Variants in NGLY1 observed in about 807,000 individuals in gnomAD.
The protein encoded by NGLY1 is peptide-N(4)-(N-acetyl-beta-glucosaminyl)asparagine amidase.
NGLY1 carries 68 observed loss-of-function variants against 84.6 expected under a neutral mutation model. The ratio of observed to expected loss-of-function variants is 0.80; its 90% confidence interval spans 0.66 to 0.98. NGLY1 has a LOEUF of 0.98. Among genes scored for constraint, NGLY1 ranks in the 50% least tolerant of loss-of-function variants. The probability of loss-of-function intolerance (pLI) is 0.00; values close to 1 mark genes in which losing one functional copy is unlikely to be tolerated. For missense variants in NGLY1, 779 were observed against 770.2 expected (o/e 1.01, Z -0.14); for synonymous variants, 280 against 275.2 (o/e 1.02, Z -0.17).
intron 3 of NGLY1, among the ~76,000 whole-genome samples, chr3:25,752,677 A>G (rs1706819167): frequency 6.6e-6 from 1 of 151,484 alleles, no homozygotes; most frequent in Non-Finnish European, 1.5e-5. Context: ...AGTCAAGCAT[A>G]GTGTTGTGTG....
chr3:25,727,311 G>T (rs1212758258), intron 10 of NGLY1, among the ~76,000 whole-genome samples: 2 of 152,158 alleles, frequency 1.3e-5, no homozygotes, highest in Non-Finnish European at 2.9e-5. Flanking sequence ...TTGAATAGGG[G>T]TGTGTTTTCT....
intron 10 of NGLY1, among the ~76,000 whole-genome samples, chr3:25,724,299 C>A (rs1705147982): frequency 6.6e-6 from 1 of 152,130 alleles, no homozygotes; most frequent in South Asian, 2.1e-4. Context: ...CAGCAAGCAC[C>A]CTGAAGTCCG....
intron 3 of NGLY1, among the ~76,000 whole-genome samples, chr3:25,757,787 G>A (rs945147913): frequency 7.2e-5 from 11 of 152,160 alleles, no homozygotes; most frequent in Admixed American, 2.0e-4. Context: ...TTTATATTTT[G>A]TCTGACAAGT....
intron 2 of NGLY1, among the ~76,000 whole-genome samples, chr3:25,773,230 A>G (rs2125310278): frequency 6.6e-6 from 1 of 152,180 alleles, no homozygotes; most frequent in South Asian, 2.1e-4. Context: ...TGTCTTCCAA[A>G]CTTTTAGATG....
chr3:25,783,197 G>C lies in NGLY1; in HGVS notation c.131+63C>G, dbSNP rs1188507752. 14 of 1,497,454 alleles carry C rather than the reference G, an allele frequency of 9.3e-6. No homozygotes were observed. In the East Asian group the frequency reaches 3.1e-4, roughly 33 times the overall value. The allele number at this position is 1,497,454 out of a possible 1,614,324, so 92.8% of individuals were successfully genotyped here. A position where few individuals can be genotyped will look rare whatever the true frequency, so the allele number is the denominator to read the frequency against. On this transcript the variant is annotated intron_variant, in intron 1 of 11. Transcript: ENST00000280700. The surrounding 1 kb of genome is among the most constrained non-coding windows in gnomAD (Gnocchi z 4.5). ...CTCAGGCCGGACGCCCCAGTCCCTG[G>C]CCGAACAAGGTGCCGCGGCCCACCC...
rs1444802092 is a variant in NGLY1, at chr3:25,739,670, GATCT to G, written c.784_787del (p.Arg262HisfsTer9). The stretch of plus-strand genomic sequence containing the variant: ...CAGCTCATCATCACTGGGCAGTAAT[GATCT>G]ATCTCTAGACCTAGTCTGTCCACCA... On this transcript the variant is annotated frameshift_variant, in exon 5 of 12. Transcript: ENST00000280700. LOFTEE classifies it high-confidence loss of function. The G allele has an allele frequency of 6.2e-7, 1 of 1,614,094 alleles. No individual in the cohort carries two copies. Among genetic ancestry groups the G allele is most frequent in the Middle Eastern group, 1.6e-4 (1 of 6,062 alleles).
chr3:25,770,676 A>C (rs1707849115), intron 2 of NGLY1, among the ~76,000 whole-genome samples: 1 of 152,230 alleles, frequency 6.6e-6, no homozygotes, highest in Non-Finnish European at 1.5e-5. Context: ...ACTAGTTTAC[A>C]TTCCCACCAA....
intron 2 of NGLY1, among the ~76,000 whole-genome samples, chr3:25,775,443 A>G (rs370929503): frequency 6.6e-6 from 1 of 152,232 alleles, no homozygotes; most frequent in African/African-American, 2.4e-5. Context: ...ACACAACGGA[A>G]TATTATTCCA....
At chr3:25,760,826 C>CTCCAGCCT (rs1707282615) in intron 3 of NGLY1, among the ~76,000 whole-genome samples, 1 of 88,248 alleles carries the variant, frequency 1.1e-5, no homozygotes, top group South Asian at 4.2e-4. Flanking sequence ...CGCCATTGCA[C>CTCCAGCCT]TCCAGCCTGG....
At chr3:25,728,522 A>G (rs1362772838) in intron 10 of NGLY1, among the ~76,000 whole-genome samples, 1 of 152,148 alleles carries the variant, frequency 6.6e-6, no homozygotes, top group African/African-American at 2.4e-5. Flanking sequence ...GTTTTAAAGC[A>G]AAGCCTCTTA....
chr3:25,785,799 A>C (rs1328538596), upstream of NGLY1, among the ~76,000 whole-genome samples: 2 of 152,242 alleles, frequency 1.3e-5, no homozygotes, highest in African/African-American at 4.8e-5. Flanking sequence ...CTTTCCCCTG[A>C]CAGATAGAAT....
At chr3:25,784,355 T>C (rs568328666), upstream of NGLY1, among the ~76,000 whole-genome samples, 1 of 152,302 alleles carries the variant, frequency 6.6e-6, no homozygotes, top group Admixed American at 6.5e-5. Context: ...TATTATAGAA[T>C]GTCGGGGGCG....
rs765144358 is a variant in NGLY1, at chr3:25,736,033, A to C, written c.1120T>G (p.Ser374Ala). 1.9e-6 allele frequency: 3 copies of C among 1,613,622 alleles called. No individual in the cohort carries two copies. Among genetic ancestry groups the C allele is most frequent in the Non-Finnish European group, 1.7e-6 (2 of 1,179,840 alleles). ...LYEIGWGKKL[S>A]YVIAFSKDEV... ...TCTTTTGAAAATGCTATGACATAGG[A>C]AAGCTTCTTGCCCCATCCTATTTCA... is the stretch of plus-strand genomic sequence containing the variant. The change falls in exon 7 of 12, where the codon TCC (serine) becomes GCC (alanine). Residue 374 changes from serine (S) to alanine (A), a missense_variant. Physicochemically the swap from Ser to Ala is moderately conservative, Grantham distance 99 (BLOSUM62 1). Transcript: ENST00000280700.
At chr3:25,775,943 C>G (rs926874995) in intron 2 of NGLY1, among the ~76,000 whole-genome samples, 1 of 152,198 alleles carries the variant, frequency 6.6e-6, no homozygotes, top group Non-Finnish European at 1.5e-5. Flanking sequence ...ATGCTAGCAT[C>G]AAAATATCAC....
At chr3:25,736,440 A>T in intron 6 of NGLY1, 1 of 1,480,168 alleles carries the variant, frequency 6.8e-7, no homozygotes, top group Non-Finnish European at 9.2e-7. Context: ...CATAAAAAAT[A>T]TCATCCTGAG....
At chr3:25,741,430 G>A (rs1329630285) in intron 4 of NGLY1, among the ~76,000 whole-genome samples, 1 of 151,304 alleles carries the variant, frequency 6.6e-6, no homozygotes, top group Non-Finnish European at 1.5e-5. Flanking sequence ...AATGATATTA[G>A]GACAAATAGC....
At chr3:25,739,914 A>G in intron 4 of NGLY1, 115 bp from the exon 5 acceptor site, 1 of 790,476 alleles carries the variant, frequency 1.3e-6, no homozygotes, top group South Asian at 1.9e-5. Context: ...GATGATTTTA[A>G]GGTTTTCACT....
At chr3:25,728,768 C>T (rs1705388704) in intron 10 of NGLY1, among the ~76,000 whole-genome samples, 1 of 151,962 alleles carries the variant, frequency 6.6e-6, no homozygotes, top group African/African-American at 2.4e-5. Flanking sequence ...CAATACACAT[C>T]TGTGAAGGAA....
At chr3:25,745,981 T>A (rs1258289203) in intron 4 of NGLY1, among the ~76,000 whole-genome samples, 1 of 152,232 alleles carries the variant, frequency 6.6e-6, no homozygotes, top group Non-Finnish European at 1.5e-5. Context: ...ATTTCTTTGG[T>A]CTTTACTATT....
Sources: gnomAD v4.1 joint callset for allele counts (sites outside exome capture counted in the v4.1 genomes callset) on GRCh38, gnomAD v4.1.1 for gene constraint, Gnocchi (gnomAD v3.1) non-coding constraint, MANE v1.5 for transcripts, NCBI Gene and HGNC (gene_info 2026-07-23, HGNC 2026-07-21) for gene names.